RABGAP1L: variants seen among roughly 807,000 people sequenced by gnomAD.
RABGAP1L encodes RAB GTPase activating protein 1 like, also known as rab GTPase-activating protein 1-like.
A neutral mutation model predicts 137.7 loss-of-function variants in RABGAP1L; 63 were observed. The ratio of observed to expected loss-of-function variants is 0.46; its 90% CI spans 0.37 to 0.56. The LOEUF (loss-of-function observed/expected upper bound fraction) is 0.56. RABGAP1L is among the 20% of genes least tolerant of loss of function. The pLI is 0.00. For synonymous variants in RABGAP1L, 431 were observed against 433.7 expected (o/e 0.99, Z 0.08); for missense variants, 1,095 against 1,244.0 (o/e 0.88, Z 1.80).
At chr1:174,429,290 T>A (rs1652319207) in intron 13 of RABGAP1L, among the ~76,000 whole-genome samples, 1 of 152,202 alleles carries the variant, frequency 6.6e-6, no homozygotes, top group Admixed American at 6.5e-5. Flanking sequence ...CATTTGTGTT[T>A]TTTGAAGGCA....
At chr1:174,581,578 C>T (rs1216373122) in intron 13 of RABGAP1L, among the ~76,000 whole-genome samples, 1 of 152,070 alleles carries the variant, frequency 6.6e-6, no homozygotes, top group Non-Finnish European at 1.5e-5. Context: ...CAAAAAGATA[C>T]GATGTTTATT....
chr1:174,953,767 G>A (rs999400274), intron 19 of RABGAP1L, among the ~76,000 whole-genome samples: 4 of 152,254 alleles, frequency 2.6e-5, no homozygotes, highest in East Asian at 3.9e-4. Context: ...GTGGGAGATC[G>A]GTCAGAGCGG....
chr1:174,893,327 G>A (rs576322989), intron 19 of RABGAP1L, among the ~76,000 whole-genome samples: 46 of 152,260 alleles, frequency 3.0e-4, no homozygotes, highest in South Asian at 8.3e-4. Flanking sequence ...CTGGCTGTGC[G>A]TGGATTGGCA....
At chr1:174,275,344 C>T (rs1674901840) in intron 8 of RABGAP1L, among the ~76,000 whole-genome samples, 1 of 151,896 alleles carries the variant, frequency 6.6e-6, no homozygotes, top group African/African-American at 2.4e-5. Context: ...GTATTAATTG[C>T]TACAAACTAA....
In RABGAP1L at chr1:174,840,208, A is replaced by T. The variant is rs546660452; in HGVS notation, c.2340+28248A>T. Among the ~76,000 whole-genome samples, 4 of 152,302 alleles carry T rather than the reference A, an allele frequency of 2.6e-5. No homozygotes were observed. The South Asian group carries it at 8.3e-4, about 32-fold the overall frequency. On this transcript the variant is annotated intron_variant, in intron 19 of 25. Transcript: ENST00000681986. The stretch of plus-strand genomic sequence containing the variant: ...AGAATTGGCAAAAAATAAATTCTAG[A>T]TTCTGATTTTTAAAATGACAGAACA...
chr1:174,912,612 G>A (rs900361409), intron 19 of RABGAP1L, among the ~76,000 whole-genome samples: 3 of 152,210 alleles, frequency 2.0e-5, no homozygotes, highest in African/African-American at 7.2e-5. Context: ...TATGGAAAAT[G>A]TGTGTCAATC....
chr1:174,273,507 T>C (rs989804534), intron 8 of RABGAP1L, among the ~76,000 whole-genome samples: 1 of 151,970 alleles, frequency 6.6e-6, no homozygotes, highest in Non-Finnish European at 1.5e-5. Context: ...TTAAATTGAT[T>C]ATTAAAACAT....
At chr1:174,392,432 G>A (rs1018849241) in intron 12 of RABGAP1L, among the ~76,000 whole-genome samples, 16 of 152,112 alleles carry the variant, frequency 1.1e-4, no homozygotes, top group Admixed American at 7.2e-4. Context: ...TTAAGGTATG[G>A]TAGCACGTTA....
intron 17 of RABGAP1L, among the ~76,000 whole-genome samples, chr1:174,711,590 C>T (rs536832691): frequency 7.2e-5 from 11 of 152,160 alleles, no homozygotes; most frequent in Non-Finnish European, 1.6e-4. Context: ...CTGGCCCACC[C>T]GCACCACGCT....
chr1:174,274,225 C>T (rs1229576317), intron 8 of RABGAP1L, among the ~76,000 whole-genome samples: 1 of 152,002 alleles, frequency 6.6e-6, no homozygotes, highest in Non-Finnish European at 1.5e-5. Flanking sequence ...TCATGTGATC[C>T]TCATGACAGG....
intron 14 of RABGAP1L, among the ~76,000 whole-genome samples, chr1:174,669,857 T>C (rs528290140): frequency 6.6e-6 from 1 of 152,298 alleles, no homozygotes; most frequent in Admixed American, 6.5e-5. Context: ...TTTATGCCAA[T>C]CCCATGCTGT....
intron 18 of RABGAP1L, among the ~76,000 whole-genome samples, chr1:174,755,246 A>G (rs529801348): frequency 1.3e-5 from 2 of 152,334 alleles, no homozygotes; most frequent in East Asian, 3.8e-4. Flanking sequence ...CTAAAAAGCT[A>G]TGGACCTAAA....
At chr1:174,638,520 GCCAT>G (rs1674248359) in intron 14 of RABGAP1L, among the ~76,000 whole-genome samples, 1 of 151,062 alleles carries the variant, frequency 6.6e-6, no homozygotes, top group African/African-American at 2.4e-5. Context: ...ATTTGACCCA[GCCAT>G]CCCATTACTT....
chr1:174,573,516 G>A (rs974490655), intron 13 of RABGAP1L, among the ~76,000 whole-genome samples: 1 of 152,036 alleles, frequency 6.6e-6, no homozygotes, highest in Non-Finnish European at 1.5e-5. Flanking sequence ...AAATATTAAT[G>A]ATTACTGCCC....
intron 15 of RABGAP1L, among the ~76,000 whole-genome samples, chr1:174,688,552 CCTAGACGTACCT>C (rs1178338949): frequency 6.6e-6 from 1 of 151,996 alleles, no homozygotes; most frequent in Non-Finnish European, 1.5e-5. Flanking sequence ...AAGTTTTGCT[CCTAGACGTACCT>C]TAGTCAAATT....
chr1:174,807,007 A>C lies in RABGAP1L; in HGVS notation c.2212-4825A>C, dbSNP rs369389156. Reference sequence around the variant, plus strand: ...CACCATGTTGACCAGGCTGGTCTCGAACTCCTGACCTCAAAGTGATCCGCC... The same window carrying C: ...CACCATGTTGACCAGGCTGGTCTCGCACTCCTGACCTCAAAGTGATCCGCC... On this transcript the variant is annotated intron_variant, in intron 18 of 25. Coordinates refer to ENST00000681986, the MANE Select transcript of RABGAP1L (RefSeq NM_001366446.1). 1.7e-4 allele frequency among the ~76,000 whole-genome samples: 26 copies of C among 152,292 alleles called. No individual in the cohort carries two copies. In the South Asian group the frequency reaches 4.8e-3, roughly 28 times the overall value.
At chr1:174,618,351 G>A (rs1039825119) in intron 13 of RABGAP1L, among the ~76,000 whole-genome samples, 1 of 152,074 alleles carries the variant, frequency 6.6e-6, no homozygotes, top group East Asian at 1.9e-4. Context: ...CTCCTCAAGT[G>A]GGTCTCTGAC....
intron 14 of RABGAP1L, among the ~76,000 whole-genome samples, chr1:174,651,943 CA>C (rs1675541960): frequency 6.6e-6 from 1 of 152,164 alleles, no homozygotes; most frequent in Admixed American, 6.5e-5. Context: ...ATGGTCTTTA[CA>C]ATTTGGCATG....
intron 13 of RABGAP1L, among the ~76,000 whole-genome samples, chr1:174,550,899 C>CATAT (rs1482744937): frequency 0.021 from 1,092 of 51,780 alleles, 108 homozygotes; most frequent in African/African-American, 0.11. Flanking sequence ...TATATATACA[C>CATAT]ACACACATAT....
Sources: gnomAD v4.1 joint callset for allele counts (sites outside exome capture counted in the v4.1 genomes callset) on GRCh38, gnomAD v4.1.1 for gene constraint, MANE v1.5 for transcripts, NCBI Gene and HGNC (gene_info 2026-07-23, HGNC 2026-07-21) for gene names.